The following CALN1 variants were observed in gnomAD, a reference collection of about 807,000 sequenced individuals.
CALN1 encodes the protein calneuron 1.
A neutral mutation model predicts 30.6 loss-of-function variants in CALN1; 17 were observed. The observed-to-expected ratio is 0.56, with a 90% CI of 0.38 to 0.83. CALN1 has a LOEUF of 0.83. CALN1 is among the 40% of genes least tolerant of loss of function. The pLI is 0.00. For missense variants in CALN1, 291 were observed against 354.9 expected, an observed-to-expected ratio of 0.82 and a Z score of 1.45; for synonymous variants, 156 against 131.4, an observed-to-expected ratio of 1.19 and a Z score of -1.28.
chr7:72,163,236 A>C (rs991814317), intron 3 of CALN1, among the ~76,000 whole-genome samples: 1 of 152,224 alleles, frequency 6.6e-6, no homozygotes, highest in African/African-American at 2.4e-5. Flanking sequence ...AAAATGCCGT[A>C]AAAGAGCATA....
chr7:72,344,292 A>C (rs992673232), intron 2 of CALN1, among the ~76,000 whole-genome samples: 1 of 152,120 alleles, frequency 6.6e-6, no homozygotes, highest in African/African-American at 2.4e-5. Context: ...GGCAGTCATA[A>C]ATTTTTGTTT....
intron 4 of CALN1, among the ~76,000 whole-genome samples, chr7:72,064,493 G>C (rs1803884677): frequency 6.6e-6 from 1 of 152,064 alleles, no homozygotes; most frequent in Non-Finnish European, 1.5e-5. Flanking sequence ...TATTAGATTG[G>C]GTAACTGATC....
intron 5 of CALN1, among the ~76,000 whole-genome samples, chr7:71,819,996 C>T (rs915972787): frequency 1.3e-5 from 2 of 152,108 alleles, no homozygotes; most frequent in African/African-American, 4.8e-5. Context: ...ACTCATTATA[C>T]CCTCCTCCCT....
At chr7:72,204,335 CTA>C (rs945701520) in intron 3 of CALN1, among the ~76,000 whole-genome samples, 5 of 151,924 alleles carry the variant, frequency 3.3e-5, no homozygotes, top group African/African-American at 9.7e-5. Context: ...TTGTATTCAA[CTA>C]TACACAGTTC....
At chr7:72,225,665 T>C (rs551491873) in intron 3 of CALN1, among the ~76,000 whole-genome samples, 2 of 152,286 alleles carry the variant, frequency 1.3e-5, no homozygotes, top group Non-Finnish European at 2.9e-5. Flanking sequence ...GGGCATAAAA[T>C]GTCACGCCAT....
intron 5 of CALN1, among the ~76,000 whole-genome samples, chr7:72,012,946 C>T (rs563686160): frequency 1.3e-5 from 2 of 152,220 alleles, no homozygotes; most frequent in Admixed American, 1.3e-4. Flanking sequence ...CAGGTGCACG[C>T]CACCACGCTT....
intron 5 of CALN1, among the ~76,000 whole-genome samples, chr7:71,949,086 A>ATG (rs1280060321): frequency 6.8e-6 from 1 of 147,146 alleles, no homozygotes; most frequent in Non-Finnish European, 1.5e-5. Context: ...TTTGTTTTCC[A>ATG]TGCTGCCAGT....
chr7:72,373,558 G>C (rs999482284), intron 2 of CALN1, among the ~76,000 whole-genome samples: 6 of 152,054 alleles, frequency 3.9e-5, no homozygotes, highest in African/African-American at 1.4e-4. Context: ...TATAAAATAG[G>C]CTTGTGTTAG....
At chr7:72,280,818 G>A (rs1797682655) in intron 2 of CALN1, among the ~76,000 whole-genome samples, 1 of 152,150 alleles carries the variant, frequency 6.6e-6, no homozygotes, top group Non-Finnish European at 1.5e-5. Context: ...GCAGGCATAG[G>A]TTACCTATCA....
chr7:71,855,108 A>C (rs909266576), intron 5 of CALN1, among the ~76,000 whole-genome samples: 1 of 152,216 alleles, frequency 6.6e-6, no homozygotes, highest in African/African-American at 2.4e-5. Flanking sequence ...CGAGCTAATA[A>C]AGAAGAAAGG....
intron 3 of CALN1, among the ~76,000 whole-genome samples, chr7:72,183,214 C>G (rs1288368450): frequency 2.0e-5 from 3 of 152,134 alleles, no homozygotes; most frequent in Non-Finnish European, 4.4e-5. Flanking sequence ...CAGGCATGCG[C>G]CACCACGCCC....
At chr7:72,022,328 C>T (rs758417118) in intron 5 of CALN1, among the ~76,000 whole-genome samples, 1 of 152,222 alleles carries the variant, frequency 6.6e-6, no homozygotes, top group Non-Finnish European at 1.5e-5. Flanking sequence ...GTCTAGTGAC[C>T]ATCACACTAA....
At chr7:72,338,519 G>C (rs1802220284) in intron 2 of CALN1, among the ~76,000 whole-genome samples, 2 of 147,914 alleles carry the variant, frequency 1.4e-5, no homozygotes, top group African/African-American at 5.2e-5. Context: ...GTGTGTGTGT[G>C]TGTGTGTGTC....
intron 3 of CALN1, among the ~76,000 whole-genome samples, chr7:72,224,453 C>T (rs78017390): frequency 4.6e-5 from 7 of 152,190 alleles, no homozygotes; most frequent in East Asian, 3.9e-4. Context: ...AATTAAAACC[C>T]GTGAACTAAA....
At chr7:72,263,303 C>T (rs1419012245) in intron 3 of CALN1, among the ~76,000 whole-genome samples, 2 of 152,114 alleles carry the variant, frequency 1.3e-5, no homozygotes. Context: ...TATTATTATC[C>T]ACATGGTACA....
At chr7:72,230,120 A>T (rs1205834564) in intron 3 of CALN1, among the ~76,000 whole-genome samples, 1 of 151,980 alleles carries the variant, frequency 6.6e-6, no homozygotes, top group African/African-American at 2.4e-5. Context: ...CAGCCTGGGC[A>T]ACAGAGCAAG....
Position 72,241,278 on chromosome 7 carries a change from G to A in CALN1, c.244+37408C>T, listed in dbSNP as rs563751376. ...CCATGGACTAGGGGAAGGGAGAGTC[G>A]TTTCTTAGTGTCTTTTCTCAGACTT... On this transcript the variant is annotated intron_variant, in intron 3 of 6. Coordinates refer to ENST00000395275, the MANE Select transcript of CALN1 (RefSeq NM_031468.4). 3.0e-4 allele frequency among the ~76,000 whole-genome samples: 45 copies of A among 152,260 alleles called. 1 individual carries two copies. Among genetic ancestry groups the A allele is most frequent in the Middle Eastern group, 6.8e-3 (2 of 294 alleles).
At chr7:72,162,024 T>A (rs911077280) in intron 3 of CALN1, among the ~76,000 whole-genome samples, 1 of 150,794 alleles carries the variant, frequency 6.6e-6, no homozygotes, top group East Asian at 1.9e-4. Flanking sequence ...ATATATATAT[T>A]AGGATTTTGG....
chr7:72,371,311 C>T (rs1242173761), intron 2 of CALN1, among the ~76,000 whole-genome samples: 1 of 152,116 alleles, frequency 6.6e-6, no homozygotes, highest in African/African-American at 2.4e-5. Context: ...TATGGTCAGG[C>T]TGTGTCCCTA....
Sources: allele counts gnomAD v4.1 joint callset (sites outside exome capture counted in the v4.1 genomes callset), GRCh38; gene constraint gnomAD v4.1.1; transcripts MANE v1.5; gene names NCBI Gene and HGNC (gene_info 2026-07-23, HGNC 2026-07-21).